WWOX: variants seen among roughly 807,000 people sequenced by gnomAD.
WWOX encodes WW domain-containing oxidoreductase.
WWOX carries 69 observed loss-of-function variants against 46.2 expected under a neutral mutation model. That is an observed-to-expected ratio of 1.49 (90% CI 1.23 to 1.82). WWOX has a LOEUF of 1.82. Ranked by LOEUF, WWOX falls within the 40% of genes most tolerant of loss-of-function variation. The pLI is 0.00. For synonymous variants in WWOX, 359 were observed against 202.6 expected (o/e 1.77, Z -6.56); for missense variants, 919 against 542.6 (o/e 1.69, Z -6.89).
chr16:78,921,011 C>T (rs2045365829), intron 8 of WWOX, among the ~76,000 whole-genome samples: 1 of 152,138 alleles, frequency 6.6e-6, no homozygotes, highest in Non-Finnish European at 1.5e-5. Context: ...TGGCTGTTTG[C>T]TTGATATTAA....
chr16:79,029,396 C>G (rs564082358), intron 8 of WWOX, among the ~76,000 whole-genome samples: 1 of 152,176 alleles, frequency 6.6e-6, no homozygotes, highest in Non-Finnish European at 1.5e-5. Flanking sequence ...CCCATCATGT[C>G]CATCAGCACC....
intron 5 of WWOX, among the ~76,000 whole-genome samples, chr16:78,195,552 C>T (rs1026140654): frequency 4.0e-5 from 6 of 151,672 alleles, no homozygotes; most frequent in East Asian, 1.9e-4. Flanking sequence ...AAAAAAAGAG[C>T]GGCTCACACC....
chr16:79,102,441 A>C (rs1320043867), intron 8 of WWOX, among the ~76,000 whole-genome samples: 1 of 152,186 alleles, frequency 6.6e-6, no homozygotes, highest in African/African-American at 2.4e-5. Context: ...ATACACTGCT[A>C]GGAGCCATTG....
intron 8 of WWOX, among the ~76,000 whole-genome samples, chr16:78,662,422 G>T (rs1189520453): frequency 6.6e-6 from 1 of 151,964 alleles, no homozygotes; most frequent in South Asian, 2.1e-4. Flanking sequence ...GAATTTTCTA[G>T]CTTTATGTGG....
chr16:78,770,480 C>G (rs1034838065), intron 8 of WWOX, among the ~76,000 whole-genome samples: 10 of 152,198 alleles, frequency 6.6e-5, no homozygotes, highest in Non-Finnish European at 1.3e-4. Flanking sequence ...GGACTGGGAT[C>G]TGGACTGGGC....
At chr16:78,418,185 C>A (rs1181343782) in intron 6 of WWOX, among the ~76,000 whole-genome samples, 2 of 151,866 alleles carry the variant, frequency 1.3e-5, no homozygotes, top group East Asian at 3.9e-4. Context: ...ATGGTGAAAC[C>A]CCGTCTCTAC....
intron 6 of WWOX, among the ~76,000 whole-genome samples, chr16:78,389,997 T>C (rs980104308): frequency 2.6e-5 from 4 of 152,218 alleles, no homozygotes; most frequent in Non-Finnish European, 4.4e-5. Flanking sequence ...TCTCTCCACC[T>C]TGGCCTCCCA....
At chr16:78,825,925 A>T (rs879199916) in intron 8 of WWOX, 1 of 754,564 alleles carries the variant, frequency 1.3e-6, no homozygotes, top group East Asian at 2.6e-5. Flanking sequence ...AAGATGAGGT[A>T]GTGCCCACCA....
At chr16:78,862,685 G>T (rs540768906) in intron 8 of WWOX, among the ~76,000 whole-genome samples, 1 of 152,180 alleles carries the variant, frequency 6.6e-6, no homozygotes, top group East Asian at 1.9e-4. Context: ...GAGTCCAAGG[G>T]CAGGAGAAGC....
chr16:78,944,012 G>C (rs546316158), intron 8 of WWOX, among the ~76,000 whole-genome samples: 70 of 152,154 alleles, frequency 4.6e-4, no homozygotes, highest in African/African-American at 7.5e-4. Context: ...TCAAGGAAAG[G>C]ACGTTTGAAG....
chr16:78,791,167 C>T (rs1313301199), intron 8 of WWOX, among the ~76,000 whole-genome samples: 1 of 152,132 alleles, frequency 6.6e-6, no homozygotes. Context: ...CAGTGCTTTC[C>T]TGACTACCAT....
chr16:78,927,124 C>A (rs964566288), intron 8 of WWOX, among the ~76,000 whole-genome samples: 2 of 152,182 alleles, frequency 1.3e-5, no homozygotes, highest in African/African-American at 4.8e-5. Context: ...GCGAGAAAGT[C>A]ACTGTGATGG....
At chr16:79,064,762 C>T (rs969987115) in intron 8 of WWOX, among the ~76,000 whole-genome samples, 4 of 152,042 alleles carry the variant, frequency 2.6e-5, no homozygotes, top group African/African-American at 9.7e-5. Context: ...GGTCAGGAGA[C>T]GCTTAAGGCA....
intron 8 of WWOX, among the ~76,000 whole-genome samples, chr16:78,573,015 C>T (rs544409908): frequency 2.6e-5 from 4 of 152,270 alleles, no homozygotes; most frequent in South Asian, 2.1e-4. Context: ...TAGCCGGGCA[C>T]GGTGGCTCAC....
At chr16:79,036,355 G>A (rs17645709) in intron 8 of WWOX, among the ~76,000 whole-genome samples, 4,502 of 152,270 alleles carry the variant, frequency 0.03, 108 homozygotes, top group African/African-American at 0.059. Context: ...TCATTAGACA[G>A]TACCCTTTAT....
intron 8 of WWOX, among the ~76,000 whole-genome samples, chr16:78,953,209 C>A (rs931421792): frequency 6.6e-6 from 1 of 151,988 alleles, no homozygotes; most frequent in Non-Finnish European, 1.5e-5. Context: ...TAAGTGTTCC[C>A]CTTTGGACCT....
intron 8 of WWOX, among the ~76,000 whole-genome samples, chr16:78,558,328 C>A (rs2044355894): frequency 6.6e-6 from 1 of 152,194 alleles, no homozygotes. Flanking sequence ...TTTGGTTTGG[C>A]CTGCTGAAGT....
chr16:78,881,517 C>G (rs1234171447), intron 8 of WWOX, among the ~76,000 whole-genome samples: 1 of 152,084 alleles, frequency 6.6e-6, no homozygotes, highest in Non-Finnish European at 1.5e-5. Context: ...TTCGGAGGGC[C>G]AACTATTTGC....
intron 8 of WWOX, among the ~76,000 whole-genome samples, chr16:79,023,161 G>C (rs1486199103): frequency 6.6e-6 from 1 of 152,298 alleles, no homozygotes; most frequent in East Asian, 1.9e-4. Context: ...TTAGATATAT[G>C]CACACACTTG....
Sources: allele counts gnomAD v4.1 joint callset (sites outside exome capture counted in the v4.1 genomes callset), GRCh38; gene constraint gnomAD v4.1.1; transcripts MANE v1.5; gene names NCBI Gene and HGNC (gene_info 2026-07-23, HGNC 2026-07-21).